The following PFKFB3 variants were observed in gnomAD, a reference collection of about 807,000 sequenced individuals.
PFKFB3 encodes 6-phosphofructo-2-kinase/fructose-2,6-bisphosphatase 3.
A neutral mutation model predicts 68.0 loss-of-function variants in PFKFB3; 33 were observed. The observed-to-expected ratio is 0.49, with a 90% CI of 0.37 to 0.65. The LOEUF is 0.65. Ranked by LOEUF, PFKFB3 falls within the 30% of genes least tolerant of loss-of-function variation. PFKFB3 has a pLI of 0.00. For missense variants in PFKFB3, 586 were observed against 712.2 expected (o/e 0.82, Z 2.02); for synonymous variants, 315 against 288.2 (o/e 1.09, Z -0.94).
rs1429805874 is a variant in PFKFB3 at position 6,184,508 on chromosome 10, T to G, written c.17-29115T>G. Among the ~76,000 whole-genome samples, 25 of 152,204 alleles carry G rather than the reference T, an allele frequency of 1.6e-4. No homozygotes were observed. In the East Asian group the frequency reaches 4.5e-3, roughly 27 times the overall value. On this transcript the variant is annotated intron_variant, in intron 1 of 14. Coordinates refer to the PFKFB3 transcript ENST00000379789. The stretch of plus-strand genomic sequence containing the variant: ...TTTTTGAGATGGAGTCTCACTCTTG[T>G]CACCCAGGCTGGAGTGCAATGGTGT...
chr10:6,255,903 G>C (rs1367179386), downstream of PFKFB3, among the ~76,000 whole-genome samples: 1 of 152,198 alleles, frequency 6.6e-6, no homozygotes, highest in African/African-American at 2.4e-5. Context: ...CGTTGGCGGG[G>C]TGGGAGGGCA....
chr10:6,301,806 C>T, the PFKFB3 span, among the ~76,000 whole-genome samples: 1 of 152,172 alleles, frequency 6.6e-6, no homozygotes, highest in South Asian at 2.1e-4. Flanking sequence ...CAAATCACTT[C>T]CTTCGTTATG....
At chr10:6,148,530 CTCTT>C in intron 1 of PFKFB3, among the ~76,000 whole-genome samples, 1 of 152,302 alleles carries the variant, frequency 6.6e-6, no homozygotes, top group East Asian at 1.9e-4. Flanking sequence ...GGGCTCACAG[CTCTT>C]CCTGTGGGTC....
chr10:6,221,672 T>A lies in PFKFB3; in HGVS notation c.1010T>A (p.Ile337Asn). ...TGTGAGGAGCTGACCTACGAGGAGA[T>A]CAGGGACACCTACCCTGAGGAGTAT... Reference protein sequence around the residue: ...GVCEELTYEEIRDTYPEEYAL... With the variant: ...GVCEELTYEENRDTYPEEYAL... The change falls in exon 10 of 15, where the codon ATC becomes AAC. Residue 337 changes from isoleucine (I) to asparagine (N), a missense_variant. Physicochemically the swap from Ile to Asn is moderately radical, Grantham distance 149. Coordinates refer to ENST00000379775, the MANE Select transcript of PFKFB3 (RefSeq NM_004566.4). 1 of 1,611,072 alleles carries A rather than the reference T, an allele frequency of 6.2e-7. No homozygotes were observed. Among genetic ancestry groups the A allele is most frequent in the Non-Finnish European group, 8.5e-7 (1 of 1,179,056 alleles).
chr10:6,325,978 A>C, the PFKFB3 span, among the ~76,000 whole-genome samples: 1 of 152,222 alleles, frequency 6.6e-6, no homozygotes, highest in Non-Finnish European at 1.5e-5. Context: ...GCTTCATAAT[A>C]CCACGTTCAA....
At chr10:6,222,825 G>A (rs375702386) in intron 10 of PFKFB3, 30 bp from the exon 11 acceptor site, 2 of 1,597,976 alleles carry the variant, frequency 1.3e-6, no homozygotes, top group African/African-American at 2.7e-5. Flanking sequence ...AGTGCCCTGA[G>A]CTCACGTGGG....
At chr10:6,163,653 C>A (rs1842031125) in intron 1 of PFKFB3, among the ~76,000 whole-genome samples, 1 of 152,044 alleles carries the variant, frequency 6.6e-6, no homozygotes, top group East Asian at 1.9e-4. Context: ...AGCTGGGTCC[C>A]GGGCCCCGGG....
chr10:6,247,037 G>T (rs1191293634), intron 14 of PFKFB3, among the ~76,000 whole-genome samples: 2 of 152,234 alleles, frequency 1.3e-5, no homozygotes, highest in African/African-American at 2.4e-5. Context: ...CAGATGAAGG[G>T]CCGAGGCCAT....
At chr10:6,308,637 A>G in the PFKFB3 span, among the ~76,000 whole-genome samples, 8 of 145,744 alleles carry the variant, frequency 5.5e-5, no homozygotes, top group Non-Finnish European at 1.1e-4. Context: ...CGCTAAAGGC[A>G]TGTTCTCTTT....
At chr10:6,297,200 G>A in the PFKFB3 span, among the ~76,000 whole-genome samples, 39 of 152,336 alleles carry the variant, frequency 2.6e-4, no homozygotes, top group East Asian at 6.2e-3. Context: ...GCTAAGTGCT[G>A]GAAGAGCAGC....
chr10:6,189,701 G>A (rs1268470999), intron 1 of PFKFB3, among the ~76,000 whole-genome samples: 1 of 151,910 alleles, frequency 6.6e-6, no homozygotes, highest in Non-Finnish European at 1.5e-5. Context: ...TTTTAGTAGT[G>A]ATGGGGTTTC....
the PFKFB3 span, among the ~76,000 whole-genome samples, chr10:6,321,896 T>G: frequency 6.6e-6 from 1 of 152,244 alleles, no homozygotes; most frequent in African/African-American, 2.4e-5. Flanking sequence ...CCGCCTCCAC[T>G]TCCTGGTTTC....
Position 6,209,765 on chromosome 10 carries a change from C to CTTT in PFKFB3, c.77-3843_77-3841dup, listed in dbSNP as rs56822740. On this transcript the variant is annotated intron_variant, in intron 1 of 14. Coordinates refer to ENST00000379775, the MANE Select transcript of PFKFB3 (RefSeq NM_004566.4). ...CATGCCCAGCCAATACTTACCTTTT[C>CTTT]TTTTTTTTTTTTTTTTTGAGACGGT... 6.8e-3 allele frequency among the ~76,000 whole-genome samples: 826 copies of CTTT among 121,222 alleles called. 32 individuals are homozygous for CTTT. Among genetic ancestry groups the CTTT allele is most frequent in the Middle Eastern group, 0.014 (3 of 212 alleles). 79.5% of individuals were successfully genotyped at this position (121,222 alleles called of 152,430 possible). A position where few individuals can be genotyped will look rare whatever the true frequency, so the allele number is the denominator to read the frequency against.
chr10:6,315,394 C>T, the PFKFB3 span, among the ~76,000 whole-genome samples: 2 of 152,164 alleles, frequency 1.3e-5, no homozygotes, highest in Admixed American at 1.3e-4. Flanking sequence ...ACGTAAAGGC[C>T]AGTTGCCTTA....
rs766031115 is a variant in PFKFB3 at position 6,228,873 on chromosome 10, G to A, written c.1515+2508G>A. Among the ~76,000 whole-genome samples, 13 of 152,246 alleles carry A rather than the reference G, an allele frequency of 8.5e-5. No homozygotes were observed. Among genetic ancestry groups the A allele is most frequent in the Middle Eastern group, 3.4e-3 (1 of 294 alleles). On this transcript the variant is annotated intron_variant, in intron 14 of 14. Transcript: ENST00000379775. The surrounding 1 kb of genome is among the most constrained non-coding windows in gnomAD (Gnocchi z 4.5). ...ATCTCTAACCCATGTGGTCACTTCTGCTCCTCCCAGAGCTCTCTGCAGAGT... is the reference window on the plus strand; with the variant it reads ...ATCTCTAACCCATGTGGTCACTTCTACTCCTCCCAGAGCTCTCTGCAGAGT...
intron 13 of PFKFB3, chr10:6,225,276 C>G (rs1335523181): frequency 2.2e-6 from 1 of 449,512 alleles, no homozygotes; most frequent in African/African-American, 2.0e-5. Context: ...GGAAGCTTGG[C>G]CTTCGGATTT....
chr10:6,291,172 C>G, the PFKFB3 span, among the ~76,000 whole-genome samples: 3 of 152,068 alleles, frequency 2.0e-5, no homozygotes, highest in Non-Finnish European at 2.9e-5. Context: ...TATTCTAAAA[C>G]CATCTGAAGT....
Position 6,177,354 on chromosome 10 carries a change from CTCTTTCTTTCTTTCTTTCTTTCTT to C in PFKFB3, c.16+32374_16+32397del, listed in dbSNP as rs71294418. Among the ~76,000 whole-genome samples the C allele has an allele frequency of 3.8e-3, 294 of 78,022 alleles. 3 individuals carry two copies. The highest frequency in any genetic ancestry group is 0.011 in the African/African-American group (264 of 23,178). 51.2% of individuals were successfully genotyped at this position (78,022 alleles called of 152,430 possible). ...GTTTGTGGGATGTTTCTTTTCTTTT[CTCTTTCTTTCTTTCTTTCTTTCTT>C]TCTTTCTTTCTTTCTTTCTTTCTTT... On this transcript the variant is annotated intron_variant, in intron 1 of 14. Coordinates refer to the PFKFB3 transcript ENST00000379789.
chr10:6,238,015 A>G (rs1846060288), downstream of PFKFB3, among the ~76,000 whole-genome samples: 2 of 151,982 alleles, frequency 1.3e-5, no homozygotes, highest in Admixed American at 6.6e-5. Context: ...GTTTCAACCT[A>G]CAGTTTCTGA....
Sources: allele counts gnomAD v4.1 joint callset (sites outside exome capture counted in the v4.1 genomes callset), GRCh38; gene constraint gnomAD v4.1.1; non-coding constraint Gnocchi (gnomAD v3.1); transcripts MANE v1.5; gene names NCBI Gene and HGNC (gene_info 2026-07-23, HGNC 2026-07-21).